The following BNC2 variants were observed in gnomAD, a reference collection of about 807,000 sequenced individuals.
BNC2 encodes zinc finger protein basonuclin-2.
In BNC2, 20 loss-of-function variants were observed where a neutral mutation model predicts 76.3. That is an observed-to-expected ratio of 0.26 (90% CI 0.18 to 0.38). The LOEUF (loss-of-function observed/expected upper bound fraction) is 0.38, where lower values mean the gene tolerates loss of function less well. Ranked by LOEUF, BNC2 falls within the 10% of genes least tolerant of loss-of-function variation. The pLI is 1.00. For missense variants in BNC2, 1,382 were observed against 1,399.8 expected, an observed-to-expected ratio of 0.99 and a Z score of 0.20; for synonymous variants, 582 against 514.8, an observed-to-expected ratio of 1.13 and a Z score of -1.77.
intron 1 of BNC2, among the ~76,000 whole-genome samples, chr9:16,861,201 T>TATATATATATATATATATATATATATAA: frequency 2.8e-5 from 3 of 105,566 alleles, no homozygotes; most frequent in African/African-American, 9.7e-5. Context: ...TATATATATA[T>TATATATATATATATATATATATATATAA]AAATTAACCA....
chr9:16,684,118 T>C (rs1180308223), intron 3 of BNC2, among the ~76,000 whole-genome samples: 1 of 152,116 alleles, frequency 6.6e-6, no homozygotes, highest in Non-Finnish European at 1.5e-5. Flanking sequence ...CACACTCACA[T>C]CTGCAAAACC....
intron 5 of BNC2, among the ~76,000 whole-genome samples, chr9:16,500,771 C>T (rs1278459655): frequency 2.6e-5 from 4 of 152,104 alleles, no homozygotes; most frequent in African/African-American, 9.7e-5. Flanking sequence ...TAGGACACAC[C>T]CATCACTCTG....
chr9:16,517,639 A>C (rs1208842886), intron 5 of BNC2, among the ~76,000 whole-genome samples: 1 of 152,194 alleles, frequency 6.6e-6, no homozygotes, highest in Non-Finnish European at 1.5e-5. Flanking sequence ...CCTATGATGC[A>C]AAGCATTACA....
intron 5 of BNC2, among the ~76,000 whole-genome samples, chr9:16,514,242 T>C (rs1233033514): frequency 6.6e-6 from 1 of 152,200 alleles, no homozygotes; most frequent in Non-Finnish European, 1.5e-5. Flanking sequence ...CCATGCAGCC[T>C]GAGAGTTACT....
chr9:16,864,535 C>T (rs1819493264), intron 1 of BNC2, among the ~76,000 whole-genome samples: 1 of 152,156 alleles, frequency 6.6e-6, no homozygotes, highest in Non-Finnish European at 1.5e-5. Flanking sequence ...CTGTCTATCT[C>T]CTTGGCCTGT....
intron 3 of BNC2, among the ~76,000 whole-genome samples, chr9:16,684,456 G>C (rs1426742300): frequency 6.6e-6 from 1 of 152,088 alleles, no homozygotes; most frequent in East Asian, 1.9e-4. Context: ...AAGAGCAGGT[G>C]TGCTAGAGAT....
chr9:16,591,271 T>C (rs538113990), intron 3 of BNC2, among the ~76,000 whole-genome samples: 1 of 152,262 alleles, frequency 6.6e-6, no homozygotes, highest in Non-Finnish European at 1.5e-5. Flanking sequence ...AGACTACATA[T>C]CAATTTCACT....
chr9:16,489,119 T>C (rs1390608600), intron 5 of BNC2, among the ~76,000 whole-genome samples: 1 of 152,188 alleles, frequency 6.6e-6, no homozygotes, highest in Admixed American at 6.5e-5. Context: ...AGGCAAAACT[T>C]TTAATAATGT....
intron 5 of BNC2, among the ~76,000 whole-genome samples, chr9:16,473,665 G>C (rs1389342436): frequency 6.6e-6 from 1 of 152,102 alleles, no homozygotes. Context: ...CTGAGGTTAG[G>C]AGTTCGAGAC....
Position 16,583,024 on chromosome 9 carries a change from A to G in BNC2, c.392T>C (p.Leu131Pro). 1 of 1,614,018 alleles carries G rather than the reference A, an allele frequency of 6.2e-7. No individual in the cohort carries two copies. The highest frequency in any genetic ancestry group is 8.5e-7 in the Non-Finnish European group (1 of 1,179,978). Residue 131 changes from leucine (L) to proline (P), a missense_variant, in exon 4 of 7, where the codon CTG becomes CCG. Around this residue, in one of 3 missense-constraint regions of BNC2, gnomAD observed 557 missense variants for 540.9 expected, o/e 1.03. Coordinates refer to ENST00000380672, the MANE Select transcript of BNC2 (RefSeq NM_017637.6). ...CECFQPGKIN[L>P]RTCDQCKHGW... ...ATGTTTACACTGATCACAAGTCCTC[A>G]GGTTAATCTTCCCTGGCTGAAAACA...
intron 1 of BNC2, among the ~76,000 whole-genome samples, chr9:16,766,497 C>A (rs1401560090): frequency 6.6e-6 from 1 of 152,168 alleles, no homozygotes; most frequent in Admixed American, 6.5e-5. Flanking sequence ...CCACCCAGAA[C>A]CACTTAATGA....
intron 5 of BNC2, among the ~76,000 whole-genome samples, chr9:16,472,667 T>A (rs754260696): frequency 6.6e-6 from 1 of 152,142 alleles, no homozygotes; most frequent in Non-Finnish European, 1.5e-5. Flanking sequence ...TTTTTACATC[T>A]CTTAGAGGCA....
At chr9:16,832,402 A>T in intron 1 of BNC2, 1 of 790,900 alleles carries the variant, frequency 1.3e-6, no homozygotes, top group Middle Eastern at 2.9e-4. Flanking sequence ...TTAGAGGCCT[A>T]GAAGAGTTCC....
chr9:16,651,600 G>A (rs956069261), intron 3 of BNC2, among the ~76,000 whole-genome samples: 1 of 152,016 alleles, frequency 6.6e-6, no homozygotes, highest in Non-Finnish European at 1.5e-5. Context: ...TACTGAAAAG[G>A]GTGATGTATT....
intron 3 of BNC2, among the ~76,000 whole-genome samples, chr9:16,687,374 G>A (rs771208185): frequency 1.3e-5 from 2 of 152,062 alleles, no homozygotes; most frequent in Non-Finnish European, 2.9e-5. Context: ...TAACAAAAAA[G>A]GGAATTTATC....
intron 5 of BNC2, among the ~76,000 whole-genome samples, chr9:16,499,027 T>C (rs1307049613): frequency 6.6e-6 from 1 of 151,446 alleles, no homozygotes; most frequent in African/African-American, 2.4e-5. Context: ...ATACCTGCCA[T>C]AAGAAAAGCA....
intron 6 of BNC2, among the ~76,000 whole-genome samples, chr9:16,424,174 C>A (rs1312973741): frequency 6.6e-6 from 1 of 151,686 alleles, no homozygotes; most frequent in Non-Finnish European, 1.5e-5. Flanking sequence ...AATGTGATGT[C>A]TGGCCCATAA....
intron 5 of BNC2, among the ~76,000 whole-genome samples, chr9:16,484,595 A>G (rs1822122831): frequency 6.6e-6 from 1 of 152,226 alleles, no homozygotes; most frequent in African/African-American, 2.4e-5. Flanking sequence ...ATCATGCGTT[A>G]AAAACAGAGC....
chr9:16,677,548 G>A (rs185668252), intron 3 of BNC2, among the ~76,000 whole-genome samples: 5 of 139,542 alleles, frequency 3.6e-5, no homozygotes, highest in South Asian at 2.2e-4. Context: ...ACTCCAGCCC[G>A]GGGGACAAAG....
Sources: allele counts gnomAD v4.1 joint callset (sites outside exome capture counted in the v4.1 genomes callset), GRCh38; gene constraint gnomAD v4.1.1; regional missense constraint gnomAD v4.1.1; transcripts MANE v1.5; gene names NCBI Gene and HGNC (gene_info 2026-07-23, HGNC 2026-07-21).